The following BCAR3 variants were observed in gnomAD, a reference collection of about 807,000 sequenced individuals.
The protein encoded by BCAR3 is breast cancer anti-estrogen resistance protein 3.
Under a neutral mutation model 80.1 loss-of-function variants are expected in BCAR3, and 37 were observed. That is an observed-to-expected ratio of 0.46 (90% CI 0.36 to 0.61). BCAR3 has a LOEUF of 0.61. BCAR3 is among the 20% of genes least tolerant of loss of function. BCAR3 has a pLI of 0.00. For synonymous variants in BCAR3, 389 were observed against 418.9 expected, an observed-to-expected ratio of 0.93 and a Z score of 0.87; for missense variants, 978 against 1,068.2, an observed-to-expected ratio of 0.92 and a Z score of 1.18.
intron 1 of BCAR3, among the ~76,000 whole-genome samples, chr1:93,846,581 G>A (rs1368421473): frequency 2.6e-5 from 4 of 152,194 alleles, no homozygotes; most frequent in Admixed American, 6.5e-5. Context: ...TCTGGGCAGC[G>A]GCGCCAGGCC....
chr1:93,678,634 G>A (rs1648603687), intron 1 of BCAR3, among the ~76,000 whole-genome samples: 2 of 152,206 alleles, frequency 1.3e-5, no homozygotes, highest in African/African-American at 4.8e-5. Flanking sequence ...ACAAGAAAAT[G>A]AGTTAACATC....
intron 2 of BCAR3, chr1:93,720,182 C>G (rs1365301579): frequency 6.6e-6 from 1 of 152,222 alleles, no homozygotes; most frequent in African/African-American, 2.4e-5. Context: ...ACCTGTTTCT[C>G]CCCTGAAGTT....
upstream of BCAR3, chr1:93,847,237 C>T (rs1240016947): frequency 5.3e-6 from 1 of 188,452 alleles, no homozygotes; most frequent in African/African-American, 2.4e-5. Flanking sequence ...AGGCGGGGCG[C>T]TTGGGGCAGG....
chr1:93,621,601 T>C (rs923846177), intron 3 of BCAR3, among the ~76,000 whole-genome samples: 1 of 152,144 alleles, frequency 6.6e-6, no homozygotes, highest in Non-Finnish European at 1.5e-5. Flanking sequence ...AGGGGATAGA[T>C]AGCCTTGAGG....
At chr1:93,569,417 C>A (rs1003579707) in intron 9 of BCAR3, among the ~76,000 whole-genome samples, 4 of 152,176 alleles carry the variant, frequency 2.6e-5, no homozygotes, top group Non-Finnish European at 4.4e-5. Context: ...AGGCTGTGGC[C>A]GCCTTCCTCC....
chr1:93,642,996 G>A (rs1456878007), intron 2 of BCAR3, among the ~76,000 whole-genome samples: 2 of 151,808 alleles, frequency 1.3e-5, no homozygotes, highest in African/African-American at 4.8e-5. Flanking sequence ...GGGAGGCCAA[G>A]GCGGGAGGAT....
intron 2 of BCAR3, among the ~76,000 whole-genome samples, chr1:93,787,815 A>G (rs1653002625): frequency 6.6e-6 from 1 of 152,194 alleles, no homozygotes; most frequent in Admixed American, 6.5e-5. Context: ...TTCTGTAAAT[A>G]TCTGTTAAGT....
intron 2 of BCAR3, among the ~76,000 whole-genome samples, chr1:93,787,101 C>A (rs1652974758): frequency 6.6e-6 from 1 of 152,180 alleles, no homozygotes; most frequent in African/African-American, 2.4e-5. Context: ...ATTTCTCCTG[C>A]AGTTTATTTC....
intron 2 of BCAR3, among the ~76,000 whole-genome samples, chr1:93,822,727 G>A (rs1654272831): frequency 6.6e-6 from 1 of 151,956 alleles, no homozygotes; most frequent in Non-Finnish European, 1.5e-5. Flanking sequence ...TGAACATGAA[G>A]GGCATTTGAT....
At chr1:93,565,525 C>T (rs1037877144) in intron 11 of BCAR3, among the ~76,000 whole-genome samples, 6 of 152,140 alleles carry the variant, frequency 3.9e-5, no homozygotes, top group African/African-American at 1.4e-4. Context: ...TGAAAAATTC[C>T]ATCAGTGACC....
chr1:93,687,232 T>C (rs1363966846), intron 3 of BCAR3, among the ~76,000 whole-genome samples: 1 of 152,204 alleles, frequency 6.6e-6, no homozygotes, highest in Admixed American at 6.5e-5. Flanking sequence ...GGTCATGCTA[T>C]AAACAATTTT....
intron 3 of BCAR3, among the ~76,000 whole-genome samples, chr1:93,595,087 T>C (rs236332): frequency 0.32 from 48,282 of 152,114 alleles, 9,491 homozygotes; most frequent in African/African-American, 0.56. Flanking sequence ...TTGCTCTTTC[T>C]CCCTGTAGAC....
At chr1:93,626,235 A>C (rs1334797594) in intron 3 of BCAR3, among the ~76,000 whole-genome samples, 1 of 152,220 alleles carries the variant, frequency 6.6e-6, no homozygotes, top group African/African-American at 2.4e-5. Context: ...CTTTTAAATG[A>C]AAATTTAATG....
intron 3 of BCAR3, among the ~76,000 whole-genome samples, chr1:93,703,477 G>A (rs77500806): frequency 0.024 from 3,681 of 151,662 alleles, 142 homozygotes; most frequent in African/African-American, 0.086. Flanking sequence ...TAAGGCCAGC[G>A]GATTGCTTGA....
At chr1:93,726,500 AG>A (rs1469726154) in intron 2 of BCAR3, among the ~76,000 whole-genome samples, 1 of 152,230 alleles carries the variant, frequency 6.6e-6, no homozygotes, top group African/African-American at 2.4e-5. Context: ...TAATTATTTT[AG>A]GGAAAGCTGA....
In BCAR3 at chr1:93,631,379, G is replaced by A. The variant is rs113294205; in HGVS notation, c.357+10925C>T. On this transcript the variant is annotated intron_variant, in intron 3 of 11. Coordinates refer to ENST00000260502, the MANE Select transcript of BCAR3 (RefSeq NM_003567.4). ...CTGGGGGTTAAGACTTCAACATATC[G>A]CTTTTGGGGGACACAATTCAACCCA... 5.3e-5 allele frequency among the ~76,000 whole-genome samples: 8 copies of A among 152,216 alleles called. No homozygotes were observed. In the South Asian group the frequency reaches 6.2e-4, roughly 12 times the overall value.
At chr1:93,697,369 G>A (rs1366108252) in intron 3 of BCAR3, among the ~76,000 whole-genome samples, 3 of 152,212 alleles carry the variant, frequency 2.0e-5, no homozygotes, top group Non-Finnish European at 4.4e-5. Context: ...CCCACCTCAG[G>A]CATCCTGAGA....
chr1:93,820,529 T>C (rs546248234), intron 2 of BCAR3, among the ~76,000 whole-genome samples: 46 of 152,334 alleles, frequency 3.0e-4, no homozygotes, highest in African/African-American at 9.1e-4. Flanking sequence ...GATTAGTTTA[T>C]TATGGAGAAT....
intron 2 of BCAR3, among the ~76,000 whole-genome samples, chr1:93,812,039 T>A (rs2747045): frequency 0.29 from 43,610 of 152,164 alleles, 7,224 homozygotes; most frequent in East Asian, 0.53. Context: ...TTGAAGATGT[T>A]CATATGAAAG....
Sources: allele counts gnomAD v4.1 joint callset (sites outside exome capture counted in the v4.1 genomes callset), GRCh38; gene constraint gnomAD v4.1.1; transcripts MANE v1.5; gene names NCBI Gene and HGNC (gene_info 2026-07-23, HGNC 2026-07-21).